The following CAMK2D variants were observed in gnomAD, a reference collection of about 807,000 sequenced individuals.
The protein encoded by CAMK2D is calcium/calmodulin-dependent protein kinase type II subunit delta.
CAMK2D carries 37 observed loss-of-function variants against 84.0 expected under a neutral mutation model. The ratio of observed to expected loss-of-function variants is 0.44; its 90% CI spans 0.34 to 0.58. The LOEUF (loss-of-function observed/expected upper bound fraction) is 0.58. Ranked by LOEUF, CAMK2D falls within the 20% of genes least tolerant of loss-of-function variation. The pLI, the probability that CAMK2D is intolerant of heterozygous loss-of-function variation, is 0.02. For missense variants in CAMK2D, 448 were observed against 652.5 expected (o/e 0.69, Z 3.41); for synonymous variants, 202 against 212.5 (o/e 0.95, Z 0.43).
intron 3 of CAMK2D, among the ~76,000 whole-genome samples, chr4:113,657,537 A>G (rs1438061073): frequency 6.6e-6 from 1 of 152,166 alleles, no homozygotes; most frequent in Non-Finnish European, 1.5e-5. Context: ...AGATTATAAA[A>G]AGGCAAAAAT....
chr4:113,494,463 G>T (rs1280823133), intron 16 of CAMK2D, among the ~76,000 whole-genome samples: 1 of 152,166 alleles, frequency 6.6e-6, no homozygotes, highest in Admixed American at 6.5e-5. Context: ...GGGGTCAGGG[G>T]TCAGGGACCC....
intron 2 of CAMK2D, among the ~76,000 whole-genome samples, chr4:113,744,239 A>G (rs1485993885): frequency 6.6e-6 from 1 of 152,176 alleles, no homozygotes; most frequent in African/African-American, 2.4e-5. Flanking sequence ...AACATTAAAT[A>G]CCTATTTTAT....
intron 3 of CAMK2D, among the ~76,000 whole-genome samples, chr4:113,629,036 A>AAT (rs775614249): frequency 2.3e-4 from 34 of 150,530 alleles, no homozygotes; most frequent in Non-Finnish European, 3.6e-4. Flanking sequence ...TAAGCAGTAA[A>AAT]ATATATATAT....
At chr4:113,477,399 T>G (rs1239201918) in intron 16 of CAMK2D, among the ~76,000 whole-genome samples, 2 of 152,172 alleles carry the variant, frequency 1.3e-5, no homozygotes, top group Non-Finnish European at 2.9e-5. Context: ...CTCTGGGATA[T>G]TTGCCTCTAA....
chr4:113,560,665 C>T (rs2098693968), intron 4 of CAMK2D, among the ~76,000 whole-genome samples: 1 of 151,776 alleles, frequency 6.6e-6, no homozygotes. Context: ...TCTGTGTAGA[C>T]TCACTGATGA....
At chr4:113,623,724 T>C (rs866539813) in intron 3 of CAMK2D, among the ~76,000 whole-genome samples, 9 of 150,584 alleles carry the variant, frequency 6.0e-5, no homozygotes, top group Non-Finnish European at 8.9e-5. Context: ...TAACTAAACA[T>C]TGTTATGCAG....
intron 4 of CAMK2D, among the ~76,000 whole-genome samples, chr4:113,565,542 T>C (rs555489811): frequency 6.6e-6 from 1 of 151,326 alleles, no homozygotes; most frequent in African/African-American, 2.4e-5. Flanking sequence ...TCCCAGCTAC[T>C]CAGGAGGTTG....
At chr4:113,663,621 A>AATAATG (rs2099245436) in intron 2 of CAMK2D, among the ~76,000 whole-genome samples, 1 of 149,882 alleles carries the variant, frequency 6.7e-6, no homozygotes, top group South Asian at 2.1e-4. Context: ...TAATAATAAT[A>AATAATG]AAGTACATGA....
intron 13 of CAMK2D, among the ~76,000 whole-genome samples, chr4:113,506,901 A>C (rs11942967): frequency 0.07 from 9,830 of 139,770 alleles, 483 homozygotes; most frequent in African/African-American, 0.17. Flanking sequence ...TCCCCCCCCC[A>C]CACACACACA....
intron 15 of CAMK2D, among the ~76,000 whole-genome samples, chr4:113,502,502 A>G (rs2098065401): frequency 6.8e-6 from 1 of 147,724 alleles, no homozygotes; most frequent in East Asian, 2.0e-4. Flanking sequence ...ATAGAATAAA[A>G]CTCAAAAGTA....
chr4:113,708,100 T>G (rs1259434734), intron 2 of CAMK2D, among the ~76,000 whole-genome samples: 1 of 152,144 alleles, frequency 6.6e-6, no homozygotes, highest in East Asian at 1.9e-4. Context: ...AAGTCCCTTC[T>G]CCAGTCTGTA....
chr4:113,713,898 C>T (rs189323750), intron 2 of CAMK2D, among the ~76,000 whole-genome samples: 7 of 150,890 alleles, frequency 4.6e-5, no homozygotes, highest in African/African-American at 1.7e-4. Context: ...TGGGGGGGTG[C>T]ATTTATTTGG....
intron 2 of CAMK2D, among the ~76,000 whole-genome samples, chr4:113,686,964 G>T (rs964851422): frequency 6.6e-6 from 1 of 151,854 alleles, no homozygotes; most frequent in Non-Finnish European, 1.5e-5. Context: ...ACCAAAAAAT[G>T]TAGCTCCAAA....
chr4:113,552,161 T>C, intron 4 of CAMK2D, 65 bp from the exon 5 acceptor site: 1 of 865,870 alleles, frequency 1.2e-6, no homozygotes, highest in South Asian at 1.5e-5. Flanking sequence ...TCAATAGATT[T>C]GCAAATGTGT....
chr4:113,662,097 C>A (rs912197376), intron 2 of CAMK2D, among the ~76,000 whole-genome samples: 3 of 152,080 alleles, frequency 2.0e-5, no homozygotes, highest in Non-Finnish European at 4.4e-5. Flanking sequence ...AGTTAAATAA[C>A]CCAGTATAGA....
chr4:113,672,321 A>T (rs1047099289), intron 2 of CAMK2D, among the ~76,000 whole-genome samples: 1 of 152,318 alleles, frequency 6.6e-6, no homozygotes, highest in African/African-American at 2.4e-5. Flanking sequence ...CAAAAAAGCA[A>T]ATCTTATACA....
intron 4 of CAMK2D, among the ~76,000 whole-genome samples, chr4:113,603,481 G>T (rs1001882623): frequency 7.0e-6 from 1 of 143,552 alleles, no homozygotes; most frequent in Non-Finnish European, 1.5e-5. Context: ...GTAAACTATC[G>T]CAAGAACAAA....
rs182748214 is a variant in CAMK2D at position 113,457,433 on chromosome 4, C to G, written c.1437G>C (p.Lys479Asn). 16 of 1,613,878 alleles carry G rather than the reference C, an allele frequency of 9.9e-6. No individual in the cohort carries two copies. The highest frequency in any genetic ancestry group is 8.9e-5 in the East Asian group (4 of 44,876). Residue 479 changes from lysine (K) to asparagine (N), a missense_variant, in exon 19 of 21, where the codon AAG (lysine) becomes AAC (asparagine). Transcript: ENST00000511664. ...CACGAGTCTCTTCTGACTGCATTGT[C>G]TTTGGCATTCCACTGCCATCCATGT... ...TQYMDGSGMP[K>N]TMQSEETRVW...
chr4:113,756,488 GA>G (rs1399177585), intron 2 of CAMK2D, among the ~76,000 whole-genome samples: 1 of 151,792 alleles, frequency 6.6e-6, no homozygotes, highest in Admixed American at 6.6e-5. Flanking sequence ...CAGTACCTTA[GA>G]AAAAACAAGC....
Sources: gnomAD v4.1 joint callset for allele counts (sites outside exome capture counted in the v4.1 genomes callset) on GRCh38, gnomAD v4.1.1 for gene constraint, MANE v1.5 for transcripts, NCBI Gene and HGNC (gene_info 2026-07-23, HGNC 2026-07-21) for gene names.